The following PPP2R5E variants were observed in gnomAD, a reference collection of about 807,000 sequenced individuals.
The protein encoded by PPP2R5E is serine/threonine-protein phosphatase 2A 56 kDa regulatory subunit epsilon isoform.
PPP2R5E carries 4 observed loss-of-function variants against 65.3 expected under a neutral mutation model. The observed-to-expected ratio is 0.06, with a 90% CI of 0.03 to 0.14. PPP2R5E has a LOEUF of 0.14. Ranked by LOEUF, PPP2R5E falls within the 10% of genes least tolerant of loss-of-function variation. PPP2R5E has a pLI of 1.00. For missense variants in PPP2R5E, 274 were observed against 556.1 expected (o/e 0.49, Z 5.10); for synonymous variants, 183 against 187.4 (o/e 0.98, Z 0.19).
chr14:63,376,282 A>G (rs1448566840), intron 13 of PPP2R5E, among the ~76,000 whole-genome samples, 174 bp from the exon 14 acceptor site: 1 of 152,258 alleles, frequency 6.6e-6, no homozygotes, highest in African/African-American at 2.4e-5. Context: ...CAGTTATTGT[A>G]AAATCAAGGG....
At chr14:63,401,971 T>C (rs1456545650) in intron 5 of PPP2R5E, among the ~76,000 whole-genome samples, 3 of 151,042 alleles carry the variant, frequency 2.0e-5, no homozygotes, top group Non-Finnish European at 4.4e-5. Flanking sequence ...TGAAAGTCTG[T>C]AGAAGACCCC....
At chr14:63,487,233 T>G (rs1270461237) in intron 2 of PPP2R5E, among the ~76,000 whole-genome samples, 1 of 152,214 alleles carries the variant, frequency 6.6e-6, no homozygotes, top group Non-Finnish European at 1.5e-5. Flanking sequence ...ATTTCCATAA[T>G]GTCATATTAC....
chr14:63,400,037 A>G (rs1885656907), intron 5 of PPP2R5E, among the ~76,000 whole-genome samples: 1 of 152,226 alleles, frequency 6.6e-6, no homozygotes, highest in Non-Finnish European at 1.5e-5. Context: ...CGCAAACTAA[A>G]GGATGGTCTT....
intron 2 of PPP2R5E, among the ~76,000 whole-genome samples, chr14:63,475,792 A>T (rs953675736): frequency 6.6e-6 from 1 of 151,452 alleles, no homozygotes; most frequent in African/African-American, 2.4e-5. Flanking sequence ...TAGTTTTTTT[A>T]AATAGCATGC....
chr14:63,396,889 A>G lies in PPP2R5E; in HGVS notation c.550-173T>C, dbSNP rs185661132. On this transcript the variant is annotated intron_variant, in intron 5 of 13. Coordinates refer to ENST00000337537, the MANE Select transcript of PPP2R5E (RefSeq NM_006246.5). ...ATCATGATAAACAAGTCAGACAAGGAGCTTATATTCCACTAAAGAAATACA... is the reference window on the plus strand; with the variant it reads ...ATCATGATAAACAAGTCAGACAAGGGGCTTATATTCCACTAAAGAAATACA... Among the ~76,000 whole-genome samples, 805 of 152,328 alleles carry G rather than the reference A, an allele frequency of 5.3e-3. 48 individuals are homozygous for G. In the East Asian group the frequency reaches 0.13, roughly 25 times the overall value.
intron 2 of PPP2R5E, among the ~76,000 whole-genome samples, chr14:63,471,241 C>T (rs567261566): frequency 6.6e-6 from 1 of 152,338 alleles, no homozygotes; most frequent in South Asian, 2.1e-4. Flanking sequence ...GCCAGAAGAA[C>T]CTCATTCATA....
intron 4 of PPP2R5E, among the ~76,000 whole-genome samples, chr14:63,419,059 C>A (rs1886863140): frequency 6.6e-6 from 1 of 152,150 alleles, no homozygotes; most frequent in Non-Finnish European, 1.5e-5. Context: ...GTTAGCCAGG[C>A]TGCTCTCAAA....
intron 2 of PPP2R5E, among the ~76,000 whole-genome samples, chr14:63,491,932 T>C (rs1469769163): frequency 6.6e-6 from 1 of 152,126 alleles, no homozygotes; most frequent in Non-Finnish European, 1.5e-5. Context: ...TACATATGTG[T>C]CCTACATTTG....
chr14:63,408,909 A>G (rs1886234127), intron 5 of PPP2R5E, among the ~76,000 whole-genome samples: 1 of 152,184 alleles, frequency 6.6e-6, no homozygotes, highest in East Asian at 1.9e-4. Flanking sequence ...AGCCTGGCCA[A>G]CATGGTGAAA....
intron 2 of PPP2R5E, among the ~76,000 whole-genome samples, chr14:63,487,813 T>C (rs17101242): frequency 0.33 from 49,591 of 152,036 alleles, 10,689 homozygotes; most frequent in African/African-American, 0.62. Context: ...CATCTCAACA[T>C]AATCACTTTT....
At chr14:63,413,283 T>A (rs1255526686) in intron 5 of PPP2R5E, among the ~76,000 whole-genome samples, 3 of 152,206 alleles carry the variant, frequency 2.0e-5, no homozygotes, top group Non-Finnish European at 4.4e-5. Context: ...GATTTACTGA[T>A]TCCATGTCAA....
At chr14:63,436,421 A>T (rs1442669768) in intron 3 of PPP2R5E, among the ~76,000 whole-genome samples, 1 of 152,184 alleles carries the variant, frequency 6.6e-6, no homozygotes, top group Non-Finnish European at 1.5e-5. Context: ...CACAGCCAAA[A>T]CTAACTGTCA....
chr14:63,492,760 G>A (rs75287104), intron 2 of PPP2R5E, among the ~76,000 whole-genome samples: 2,322 of 152,218 alleles, frequency 0.015, 42 homozygotes, highest in Non-Finnish European at 0.019. Flanking sequence ...GTTTGGTTGG[G>A]AAGGATGGTG....
chr14:63,543,004 TG>T lies in PPP2R5E; in HGVS notation c.-234del, dbSNP rs1303479810. ...CCGGACCCGAACCTCAGCGTTCCGGTGGCGGCGGCGGCCTCACGATCCTCCC... is the reference window on the plus strand; with the variant it reads ...CCGGACCCGAACCTCAGCGTTCCGGTGCGGCGGCGGCCTCACGATCCTCCC... On this transcript the variant is annotated 5_prime_UTR_variant, in exon 1 of 14. Transcript: ENST00000337537. 2 of 152,666 alleles carry T rather than the reference TG, an allele frequency of 1.3e-5. No homozygotes were observed. The highest frequency in any genetic ancestry group is 4.8e-5 in the African/African-American group (2 of 41,350). The allele number at this position is 152,666 out of a possible 1,614,324, so 9.5% of individuals were successfully genotyped here.
intron 2 of PPP2R5E, among the ~76,000 whole-genome samples, chr14:63,476,917 T>TA (rs1244845385): frequency 3.3e-5 from 5 of 152,138 alleles, no homozygotes; most frequent in Non-Finnish European, 7.4e-5. Context: ...AGGAAGCACT[T>TA]AGACTGTAGA....
chr14:63,435,159 A>C (rs1195571087), intron 3 of PPP2R5E, among the ~76,000 whole-genome samples: 1 of 152,210 alleles, frequency 6.6e-6, no homozygotes, highest in Non-Finnish European at 1.5e-5. Context: ...GGTGATGACT[A>C]TACAAGTATA....
chr14:63,525,545 A>G (rs1566762916), intron 2 of PPP2R5E, among the ~76,000 whole-genome samples: 1 of 152,244 alleles, frequency 6.6e-6, no homozygotes, highest in African/African-American at 2.4e-5. Context: ...AAACATGCCA[A>G]CCACCCAAAG....
chr14:63,377,387 T>C (rs1884051000), intron 13 of PPP2R5E, among the ~76,000 whole-genome samples: 1 of 152,172 alleles, frequency 6.6e-6, no homozygotes, highest in Non-Finnish European at 1.5e-5. Flanking sequence ...TAAAACATTA[T>C]AACCAATGTT....
chr14:63,409,602 G>A (rs1886285883), intron 5 of PPP2R5E, among the ~76,000 whole-genome samples: 2 of 152,088 alleles, frequency 1.3e-5, no homozygotes, highest in African/African-American at 2.4e-5. Flanking sequence ...TACTTGCTGT[G>A]ACTTGTTGTG....
Sources: allele counts gnomAD v4.1 joint callset (sites outside exome capture counted in the v4.1 genomes callset), GRCh38; gene constraint gnomAD v4.1.1; transcripts MANE v1.5; gene names NCBI Gene and HGNC (gene_info 2026-07-23, HGNC 2026-07-21).